The following ASIC2 variants were observed in gnomAD, a reference collection of about 807,000 sequenced individuals.
ASIC2 encodes acid-sensing ion channel 2.
In ASIC2, 25 loss-of-function variants were observed where a neutral mutation model predicts 57.3. The ratio of observed to expected loss-of-function variants is 0.44; its 90% CI spans 0.32 to 0.61. The LOEUF (loss-of-function observed/expected upper bound fraction) is 0.61. Ranked by LOEUF, ASIC2 falls within the 20% of genes least tolerant of loss-of-function variation. The pLI is 0.06. For synonymous variants in ASIC2, 319 were observed against 307.5 expected, an observed-to-expected ratio of 1.04 and a Z score of -0.39; for missense variants, 641 against 738.1, an observed-to-expected ratio of 0.87 and a Z score of 1.52.
chr17:33,724,447 T>C (rs1341265683), intron 1 of ASIC2, among the ~76,000 whole-genome samples: 1 of 152,108 alleles, frequency 6.6e-6, no homozygotes, highest in Non-Finnish European at 1.5e-5. Flanking sequence ...AGAGTAGACA[T>C]TGGTGAGATC....
intron 1 of ASIC2, among the ~76,000 whole-genome samples, chr17:33,521,898 C>A (rs1914752432): frequency 1.3e-5 from 2 of 152,170 alleles, no homozygotes; most frequent in Admixed American, 6.5e-5. Flanking sequence ...GGCAGGCAGG[C>A]CCCTTCCCCC....
chr17:33,101,962 G>A (rs1331392801), intron 2 of ASIC2, among the ~76,000 whole-genome samples: 2 of 151,894 alleles, frequency 1.3e-5, no homozygotes, highest in Admixed American at 1.3e-4. Flanking sequence ...GCTGTAAAAT[G>A]CCTCTCAGGA....
intron 1 of ASIC2, among the ~76,000 whole-genome samples, chr17:33,444,357 G>T (rs981135615): frequency 6.6e-6 from 1 of 152,212 alleles, no homozygotes; most frequent in Non-Finnish European, 1.5e-5. Flanking sequence ...TAGAAATGAT[G>T]CCAGGGAATG....
chr17:33,773,375 G>A (rs2142122099), intron 1 of ASIC2, among the ~76,000 whole-genome samples: 1 of 152,196 alleles, frequency 6.6e-6, no homozygotes, highest in South Asian at 2.1e-4. Context: ...CCAAAGGCAG[G>A]GAGACTGCTG....
At chr17:33,099,161 T>TA (rs1054430510) in intron 2 of ASIC2, among the ~76,000 whole-genome samples, 4 of 149,482 alleles carry the variant, frequency 2.7e-5, no homozygotes, top group African/African-American at 9.9e-5. Context: ...CCCGGCTAGG[T>TA]TTTTTTTTGT....
At chr17:33,036,691 A>C (rs141373900) in intron 3 of ASIC2, among the ~76,000 whole-genome samples, 1,607 of 152,176 alleles carry the variant, frequency 0.011, 27 homozygotes, top group African/African-American at 0.037. Context: ...TACAGGTGTG[A>C]GTCATCATGC....
chr17:33,211,607 A>T (rs1413157562), intron 1 of ASIC2, among the ~76,000 whole-genome samples: 1 of 151,594 alleles, frequency 6.6e-6, no homozygotes, highest in African/African-American at 2.4e-5. Context: ...CAGGCAGAGC[A>T]GGCAGCCCCG....
At chr17:33,319,653 A>G (rs1349412831) in intron 1 of ASIC2, among the ~76,000 whole-genome samples, 2 of 152,178 alleles carry the variant, frequency 1.3e-5, no homozygotes, top group Non-Finnish European at 2.9e-5. Flanking sequence ...ATTATAAACA[A>G]TCCAGAAGTA....
intron 1 of ASIC2, among the ~76,000 whole-genome samples, chr17:33,214,278 C>T (rs1229390657): frequency 2.6e-5 from 4 of 152,126 alleles, no homozygotes; most frequent in Non-Finnish European, 5.9e-5. Context: ...TTACTTGTAC[C>T]CTTGGCTGTC....
chr17:33,721,111 T>C (rs1909375892), intron 1 of ASIC2, among the ~76,000 whole-genome samples: 1 of 152,206 alleles, frequency 6.6e-6, no homozygotes, highest in Admixed American at 6.5e-5. Context: ...AGCCCAGCCA[T>C]TTCTCAGTGG....
intron 1 of ASIC2, among the ~76,000 whole-genome samples, chr17:33,226,965 G>A (rs1390133806): frequency 6.6e-6 from 1 of 151,972 alleles, no homozygotes; most frequent in African/African-American, 2.4e-5. Context: ...AAAAATTACT[G>A]AGATTTATAT....
At chr17:34,020,601 G>A (rs1273680655) in intron 1 of ASIC2, among the ~76,000 whole-genome samples, 1 of 152,200 alleles carries the variant, frequency 6.6e-6, no homozygotes, top group African/African-American at 2.4e-5. Flanking sequence ...GTCAGAGGGA[G>A]TAATATAGAA....
intron 3 of ASIC2, among the ~76,000 whole-genome samples, chr17:33,060,280 T>C (rs1158768628): frequency 5.9e-5 from 9 of 152,134 alleles, no homozygotes; most frequent in Non-Finnish European, 1.3e-4. Context: ...TCTTCTAGGG[T>C]TTTTATGGTT....
chr17:33,436,850 C>CTTTTTTTTTTTTTTTTTTTTTT (rs1244300127), intron 1 of ASIC2, among the ~76,000 whole-genome samples: 1 of 76,038 alleles, frequency 1.3e-5, no homozygotes. Flanking sequence ...CACATTCCAA[C>CTTTTTTTTTTTTTTTTTTTTTT]TTCTTTTTTT....
intron 1 of ASIC2, among the ~76,000 whole-genome samples, chr17:33,666,271 C>G (rs1907467683): frequency 6.6e-6 from 1 of 152,076 alleles, no homozygotes; most frequent in East Asian, 1.9e-4. Context: ...GACTGAATTC[C>G]CAACAACCAG....
At chr17:34,070,737 C>T (rs1401803827) in intron 1 of ASIC2, 1 of 152,226 alleles carries the variant, frequency 6.6e-6, no homozygotes, top group East Asian at 1.9e-4. Flanking sequence ...CATAATGGAC[C>T]CACAAACAGG....
At chr17:33,492,475 G>T (rs1231743366) in intron 1 of ASIC2, among the ~76,000 whole-genome samples, 1 of 152,198 alleles carries the variant, frequency 6.6e-6, no homozygotes, top group Non-Finnish European at 1.5e-5. Flanking sequence ...TCTGGGGAAG[G>T]CTGTCCTTCA....
intron 1 of ASIC2, among the ~76,000 whole-genome samples, chr17:33,478,301 A>C (rs1482045031): frequency 6.6e-6 from 1 of 152,190 alleles, no homozygotes; most frequent in East Asian, 1.9e-4. Context: ...CCCAGGGGCT[A>C]GGGGGCTTAA....
chr17:34,117,616 C>A (rs564466894), intron 1 of ASIC2, among the ~76,000 whole-genome samples: 1 of 152,200 alleles, frequency 6.6e-6, no homozygotes, highest in African/African-American at 2.4e-5. Flanking sequence ...GCAATCATCC[C>A]AACAGAAGAT....
Sources: gnomAD v4.1 joint callset for allele counts (sites outside exome capture counted in the v4.1 genomes callset) on GRCh38, gnomAD v4.1.1 for gene constraint, MANE v1.5 for transcripts, NCBI Gene and HGNC (gene_info 2026-07-23, HGNC 2026-07-21) for gene names.